Variants in ARSG observed in about 807,000 individuals in gnomAD.
ARSG encodes ASG.
ARSG carries 37 observed loss-of-function variants against 50.5 expected under a neutral mutation model. The ratio of observed to expected loss-of-function variants is 0.73; its 90% CI spans 0.56 to 0.96. The LOEUF (loss-of-function observed/expected upper bound fraction) is 0.96, where lower values mean the gene tolerates loss of function less well. Ranked by LOEUF, ARSG falls within the 50% of genes least tolerant of loss-of-function variation. The pLI is 0.00. For missense variants in ARSG, 629 were observed against 675.3 expected (o/e 0.93, Z 0.76); for synonymous variants, 225 against 254.6 (o/e 0.88, Z 1.11).
chr17:68,401,360 G>A lies in ARSG; in HGVS notation c.1213G>A (p.Val405Met), dbSNP rs933495746. 6.2e-7 allele frequency: 1 copy of A among 1,613,670 alleles called. No homozygotes were observed. The highest frequency in any genetic ancestry group is 8.5e-7 in the Non-Finnish European group (1 of 1,179,698). Residue 405 changes from valine to methionine, a missense_variant and splice_region_variant, in exon 11 of 12, where the codon GTG (valine) becomes ATG (methionine). Transcript: ENST00000621439. ...LFGRSQPGHR[V>M]LFHPNSGAAG... ...AGTAAGCTCTGCCACCCTTTCTCAG[G>A]TGCTGTTCCACCCCAACAGCGGGGC...
chr17:68,381,961 C>CTTTTTT lies in ARSG; in HGVS notation c.983-3095_983-3090dup, dbSNP rs71293553. Among the ~76,000 whole-genome samples, 11,943 of 142,336 alleles carry CTTTTTT rather than the reference C, an allele frequency of 0.084. 632 individuals carry two copies. The highest frequency in any genetic ancestry group is 0.15 in the Admixed American group (2,126 of 13,958). 93.4% of individuals were successfully genotyped at this position (142,336 alleles called of 152,430 possible). ...TTGGCTCTATCATTTTCTTTCTTTC[C>CTTTTTT]TTTTTTTTTTTTTGACAGAGTCTCT... is the stretch of plus-strand genomic sequence containing the variant. On this transcript the variant is annotated intron_variant, in intron 8 of 11. Transcript: ENST00000621439. The surrounding 1 kb of genome is among the most constrained non-coding windows in gnomAD (Gnocchi z 4.1).
rs567468662 is a variant in ARSG at position 68,282,506 on chromosome 17, A to G, written c.-552+23080A>G. On this transcript the variant is annotated intron_variant, in intron 1 of 11. Coordinates refer to the ARSG transcript ENST00000448504. ...ACCCTAGAACTTAAAAAAAAAAAAA[A>G]CTACACATAGGACCAGGCGCAGTGG... Among the ~76,000 whole-genome samples the G allele has an allele frequency of 4.3e-3, 635 of 147,350 alleles. 5 individuals carry two copies. Among genetic ancestry groups the G allele is most frequent in the African/African-American group, 0.015 (597 of 39,340 alleles).
chr17:68,369,129 C>T (rs1205499866), intron 7 of ARSG, among the ~76,000 whole-genome samples: 1 of 152,230 alleles, frequency 6.6e-6, no homozygotes, highest in South Asian at 2.1e-4. Context: ...TGCCACTCCC[C>T]GTGTCACGTC....
chr17:68,356,468 A>G (rs1364015193), intron 5 of ARSG, among the ~76,000 whole-genome samples, 199 bp from the exon 6 acceptor site: 1 of 152,224 alleles, frequency 6.6e-6, no homozygotes, highest in Non-Finnish European at 1.5e-5. Context: ...CGTCCATGGA[A>G]CATAAATATC....
At chr17:68,331,243 TTCTTTC>T in intron 2 of ARSG, among the ~76,000 whole-genome samples, 2 of 106,456 alleles carry the variant, frequency 1.9e-5, no homozygotes, top group South Asian at 6.1e-4. Flanking sequence ...GTTTCTTTCT[TTCTTTC>T]TTTCTTTCTT....
chr17:68,425,915 ACAG>A, downstream of ARSG: 2 of 626,594 alleles, frequency 3.2e-6, no homozygotes, highest in East Asian at 5.5e-5. Flanking sequence ...TTCGAAGCAC[ACAG>A]TACAACAAAT....
At chr17:68,267,280 T>C (rs1204129441) in intron 1 of ARSG, 1 of 152,250 alleles carries the variant, frequency 6.6e-6, no homozygotes, top group East Asian at 1.9e-4. Flanking sequence ...CGTAAAGTGC[T>C]GAAGTCATGT....
intron 2 of ARSG, among the ~76,000 whole-genome samples, chr17:68,335,682 G>A (rs564732363): frequency 2.0e-5 from 3 of 152,292 alleles, no homozygotes; most frequent in African/African-American, 4.8e-5. Context: ...GGATGTCATC[G>A]AGGTGCTAAC....
intron 2 of ARSG, among the ~76,000 whole-genome samples, chr17:68,327,988 C>T (rs2077574274): frequency 6.6e-6 from 1 of 152,160 alleles, no homozygotes; most frequent in African/African-American, 2.4e-5. Flanking sequence ...TTGGTCTCTA[C>T]TGCCTCAGTG....
upstream of ARSG, among the ~76,000 whole-genome samples, chr17:68,287,953 TTCTCTC>T (rs150311794): frequency 6.8e-6 from 1 of 146,150 alleles, no homozygotes; most frequent in Non-Finnish European, 1.5e-5. Context: ...CTCTCTCTCT[TTCTCTC>T]TCTCTCTCTC....
intron 3 of ARSG, among the ~76,000 whole-genome samples, chr17:68,346,369 TAGAC>T (rs1471305124): frequency 5.3e-5 from 8 of 152,194 alleles, no homozygotes. Flanking sequence ...ATAATGTACT[TAGAC>T]ATACTCCTGT....
At position 68,271,361 on chromosome 17, in the gene ARSG, G is replaced by T; in HGVS notation, c.-552+11935G>T. 1 of 1,614,254 alleles carries T rather than the reference G, an allele frequency of 6.2e-7. No homozygotes were observed. ...CTGGGGCTGGTCTTCACCAGGACCT[G>T]CTGCATGTCGGCCTTCGGCTCCAGT... On this transcript the variant is annotated intron_variant, in intron 1 of 11. Coordinates refer to the ARSG transcript ENST00000448504. The surrounding 1 kb of genome is among the most constrained non-coding windows in gnomAD (Gnocchi z 5.3).
intron 2 of ARSG, among the ~76,000 whole-genome samples, chr17:68,309,003 G>C (rs1555765607): frequency 6.6e-6 from 1 of 152,250 alleles, no homozygotes; most frequent in Non-Finnish European, 1.5e-5. Flanking sequence ...GGAGCCCACG[G>C]AGGGGGTGGG....
rs531551498 is a variant in ARSG at position 68,347,301 on chromosome 17, G to C, written c.454+129G>C. On this transcript the variant is annotated intron_variant, in intron 4 of 11. Transcript: ENST00000621439. Reference sequence around the variant, plus strand: ...AAGTTAGGACATCTTTGTTCACGAGGTCATTTGAGTGCATTTGGGGTGCCA... The same window carrying C: ...AAGTTAGGACATCTTTGTTCACGAGCTCATTTGAGTGCATTTGGGGTGCCA... The C allele has an allele frequency of 1.0e-5, 11 of 1,077,466 alleles. No homozygotes were observed. The South Asian group carries it at 1.2e-4, about 11-fold the overall frequency. 66.7% of individuals were successfully genotyped at this position (1,077,466 alleles called of 1,614,324 possible).
At chr17:68,308,127 G>T (rs1241180932) in intron 2 of ARSG, among the ~76,000 whole-genome samples, 6 of 152,038 alleles carry the variant, frequency 3.9e-5, no homozygotes, top group African/African-American at 1.4e-4. Flanking sequence ...AACCTGGCAA[G>T]ATCCCACTTC....
intron 2 of ARSG, among the ~76,000 whole-genome samples, chr17:68,327,657 G>A (rs2077561040): frequency 6.6e-6 from 1 of 152,146 alleles, no homozygotes; most frequent in South Asian, 2.1e-4. Context: ...AATTACCTCT[G>A]CAATCACCCT....
At chr17:68,391,256 A>G (rs1309118727) in intron 9 of ARSG, among the ~76,000 whole-genome samples, 1 of 151,996 alleles carries the variant, frequency 6.6e-6, no homozygotes, top group African/African-American at 2.4e-5. Context: ...TCCCTCTTCC[A>G]GGGCTAAGCT....
At chr17:68,305,811 C>T (rs2076584252) in intron 1 of ARSG, among the ~76,000 whole-genome samples, 2 of 152,040 alleles carry the variant, frequency 1.3e-5, no homozygotes, top group African/African-American at 2.4e-5. Flanking sequence ...TGGTGGCTCA[C>T]ACCTGTAATC....
intron 4 of ARSG, among the ~76,000 whole-genome samples, chr17:68,348,121 C>T (rs547450408): frequency 2.0e-5 from 3 of 152,300 alleles, no homozygotes; most frequent in South Asian, 4.1e-4. Context: ...TCATTCCTCT[C>T]CCTCTCCTCC....
Sources: allele counts gnomAD v4.1 joint callset (sites outside exome capture counted in the v4.1 genomes callset), GRCh38; gene constraint gnomAD v4.1.1; non-coding constraint Gnocchi (gnomAD v3.1); transcripts MANE v1.5; gene names NCBI Gene and HGNC (gene_info 2026-07-23, HGNC 2026-07-21).